STXBP6: variants seen among roughly 807,000 people sequenced by gnomAD.
STXBP6 encodes the protein syntaxin-binding protein 6.
STXBP6 carries 21 observed loss-of-function variants against 26.9 expected under a neutral mutation model. The observed-to-expected ratio is 0.78, with a 90% confidence interval of 0.55 to 1.12. The LOEUF (loss-of-function observed/expected upper bound fraction) is 1.12, where lower values mean the gene tolerates loss of function less well. Ranked by LOEUF, STXBP6 falls within the 50% of genes most tolerant of loss-of-function variation. STXBP6 has a pLI of 0.00. For synonymous variants in STXBP6, 97 were observed against 92.6 expected (o/e 1.05, Z -0.27); for missense variants, 232 against 257.9 (o/e 0.90, Z 0.69).
chr14:24,933,488 G>A (rs1330844764), intron 2 of STXBP6, among the ~76,000 whole-genome samples: 2 of 152,156 alleles, frequency 1.3e-5, no homozygotes, highest in African/African-American at 4.8e-5. Flanking sequence ...GAAATGGTCA[G>A]TACAGACACA....
At chr14:24,841,867 T>C (rs2068794706) in intron 4 of STXBP6, among the ~76,000 whole-genome samples, 1 of 152,236 alleles carries the variant, frequency 6.6e-6, no homozygotes, top group Admixed American at 6.5e-5. Context: ...TTGGAGTTCA[T>C]TGTTACTTTC....
At chr14:24,917,466 T>G (rs1317965794) in intron 2 of STXBP6, among the ~76,000 whole-genome samples, 1 of 152,086 alleles carries the variant, frequency 6.6e-6, no homozygotes, top group Non-Finnish European at 1.5e-5. Context: ...AATCGCACCA[T>G]AAGCACTCAA....
intron 2 of STXBP6, among the ~76,000 whole-genome samples, chr14:24,919,431 T>C (rs1315772142): frequency 6.7e-6 from 1 of 149,436 alleles, no homozygotes; most frequent in Non-Finnish European, 1.5e-5. Context: ...GATAAATAAA[T>C]GCGAAAAATA....
chr14:24,971,397 G>A (rs932513578), intron 2 of STXBP6, among the ~76,000 whole-genome samples: 1 of 152,162 alleles, frequency 6.6e-6, no homozygotes, highest in African/African-American at 2.4e-5. Flanking sequence ...TGCAGACATT[G>A]TCCTAATTTG....
intron 4 of STXBP6, among the ~76,000 whole-genome samples, chr14:24,847,126 C>A (rs2068991026): frequency 6.6e-6 from 1 of 152,084 alleles, no homozygotes; most frequent in South Asian, 2.1e-4. Context: ...TACTAAATGA[C>A]AAAGAAAAGA....
At chr14:24,876,964 A>G (rs2070167370) in intron 2 of STXBP6, among the ~76,000 whole-genome samples, 1 of 152,208 alleles carries the variant, frequency 6.6e-6, no homozygotes, top group Non-Finnish European at 1.5e-5. Flanking sequence ...GATTATCAAA[A>G]TATTTCACTC....
intron 2 of STXBP6, among the ~76,000 whole-genome samples, chr14:24,881,031 T>A (rs549834902): frequency 6.6e-6 from 1 of 152,220 alleles, no homozygotes; most frequent in Non-Finnish European, 1.5e-5. Context: ...ACACTTTTCA[T>A]TCCTCTACTA....
intron 4 of STXBP6, among the ~76,000 whole-genome samples, chr14:24,830,639 A>C (rs1253481986): frequency 6.6e-6 from 1 of 152,164 alleles, no homozygotes; most frequent in Non-Finnish European, 1.5e-5. Flanking sequence ...TGTCTATGAG[A>C]CATCCAAGTG....
chr14:24,899,063 C>G (rs184158765), intron 2 of STXBP6, among the ~76,000 whole-genome samples: 81 of 152,290 alleles, frequency 5.3e-4, no homozygotes, highest in Non-Finnish European at 8.8e-4. Context: ...CTTGGTCTTT[C>G]CAGTGACTCT....
At chr14:24,978,146 A>G (rs7143179) in intron 1 of STXBP6, among the ~76,000 whole-genome samples, 1 of 151,994 alleles carries the variant, frequency 6.6e-6, no homozygotes, top group Non-Finnish European at 1.5e-5. Context: ...CAATAACTTA[A>G]GAGTATCCCA....
At chr14:24,909,064 G>A (rs925910816) in intron 2 of STXBP6, among the ~76,000 whole-genome samples, 2 of 152,140 alleles carry the variant, frequency 1.3e-5, no homozygotes, top group African/African-American at 4.8e-5. Context: ...TTATCTTTAG[G>A]GATAAGCAGG....
intron 2 of STXBP6, among the ~76,000 whole-genome samples, chr14:24,937,757 C>T (rs1418934157): frequency 6.6e-6 from 1 of 152,142 alleles, no homozygotes; most frequent in African/African-American, 2.4e-5. Context: ...GTTGTGTTAT[C>T]TTTAAATAGT....
At chr14:24,969,451 C>T (rs61978833) in intron 2 of STXBP6, among the ~76,000 whole-genome samples, 20 of 152,178 alleles carry the variant, frequency 1.3e-4, no homozygotes, top group Admixed American at 1.3e-3. Flanking sequence ...TTTAACTTAG[C>T]ATGTTTCTAG....
chr14:24,835,933 G>A (rs1280366620), intron 4 of STXBP6, among the ~76,000 whole-genome samples: 1 of 152,138 alleles, frequency 6.6e-6, no homozygotes, highest in African/African-American at 2.4e-5. Context: ...AGAACAAGAA[G>A]TCATTAAGGT....
At chr14:25,048,767 G>A (rs1420362218) in intron 1 of STXBP6, among the ~76,000 whole-genome samples, 1 of 152,184 alleles carries the variant, frequency 6.6e-6, no homozygotes, top group African/African-American at 2.4e-5. Context: ...TCTGACTAGG[G>A]CGCAGCTCTG....
intron 1 of STXBP6, among the ~76,000 whole-genome samples, chr14:24,976,047 T>C (rs1045478532): frequency 3.9e-5 from 6 of 152,232 alleles, no homozygotes; most frequent in Admixed American, 1.3e-4. Flanking sequence ...TTGATCAGAC[T>C]GCTGTAAAAC....
At chr14:24,914,388 A>G (rs1017317069) in intron 2 of STXBP6, among the ~76,000 whole-genome samples, 3 of 152,008 alleles carry the variant, frequency 2.0e-5, no homozygotes, top group Admixed American at 6.6e-5. Context: ...TTGGCTTTTT[A>G]TTTTACTTTT....
At chr14:24,835,995 A>AG (rs1363317181) in intron 4 of STXBP6, among the ~76,000 whole-genome samples, 2 of 152,272 alleles carry the variant, frequency 1.3e-5, no homozygotes, top group Non-Finnish European at 2.9e-5. Flanking sequence ...CATGACTATT[A>AG]GGGGGACCAG....
chr14:24,904,348 T>C (rs1284353436), intron 2 of STXBP6, among the ~76,000 whole-genome samples: 1 of 152,212 alleles, frequency 6.6e-6, no homozygotes, highest in African/African-American at 2.4e-5. Flanking sequence ...TCTAATATAT[T>C]AGGTTGGTGC....
Sources: gnomAD v4.1 joint callset for allele counts (sites outside exome capture counted in the v4.1 genomes callset) on GRCh38, gnomAD v4.1.1 for gene constraint, MANE v1.5 for transcripts, NCBI Gene and HGNC (gene_info 2026-07-23, HGNC 2026-07-21) for gene names.